DMD: variants seen among roughly 807,000 people sequenced by gnomAD.
DMD encodes the protein dystrophin.
A neutral mutation model predicts 330.1 loss-of-function variants in DMD; 63 were observed. The observed-to-expected ratio is 0.19, with a 90% CI of 0.16 to 0.24. The LOEUF is 0.24. DMD is among the 10% of genes least tolerant of loss of function. DMD has a pLI of 1.00. For synonymous variants in DMD, 1,223 were observed against 959.8 expected, an observed-to-expected ratio of 1.27 and a Z score of -5.07; for missense variants, 3,344 against 2,684.1, an observed-to-expected ratio of 1.25 and a Z score of -5.43.
intron 55 of DMD, among the ~76,000 whole-genome samples, chrX:31,619,582 GAAT>G (rs2078412026): frequency 9.0e-6 from 1 of 111,491 alleles, no homozygotes; most frequent in Non-Finnish European, 1.9e-5. Context: ...GCTCTGCGAG[GAAT>G]AAAACACAAT....
At chrX:32,782,824 A>G (rs1884273) in intron 7 of DMD, among the ~76,000 whole-genome samples, 10,957 of 108,307 alleles carry the variant, frequency 0.1, 1,428 homozygotes, top group African/African-American at 0.35. Flanking sequence ...TGCTTATTCC[A>G]TATTGTATGC....
chrX:33,092,706 G>A (rs2095101816), intron 1 of DMD, among the ~76,000 whole-genome samples: 1 of 110,738 alleles, frequency 9.0e-6, no homozygotes, highest in Non-Finnish European at 1.9e-5. Flanking sequence ...CTATTTGACA[G>A]ATGAATGTGA....
At chrX:33,060,650 T>A (rs1015326079) in intron 1 of DMD, among the ~76,000 whole-genome samples, 2 of 109,858 alleles carry the variant, frequency 1.8e-5, no homozygotes, top group African/African-American at 6.6e-5. Context: ...CTGACCAACA[T>A]AGTGAAACCC....
intron 61 of DMD, 38 bp downstream of exon 61, chrX:31,348,518 G>A (rs72466561): frequency 8.3e-6 from 9 of 1,087,604 alleles, no homozygotes; most frequent in Non-Finnish European, 7.6e-6. Flanking sequence ...TAATCAAGAT[G>A]CAATAAAGTT....
intron 2 of DMD, among the ~76,000 whole-genome samples, chrX:32,929,129 G>A (rs763599196): frequency 1.8e-5 from 2 of 111,270 alleles, no homozygotes; most frequent in Non-Finnish European, 3.8e-5. Flanking sequence ...TGAAGAGCTG[G>A]TTTATGTGGG....
chrX:31,630,859 T>C (rs2079098657), intron 54 of DMD, among the ~76,000 whole-genome samples: 1 of 112,086 alleles, frequency 8.9e-6, no homozygotes. Context: ...GAATCTACTG[T>C]ATTGGTTAAG....
intron 2 of DMD, among the ~76,000 whole-genome samples, chrX:32,928,256 A>T (rs1374634203): frequency 1.8e-5 from 2 of 110,214 alleles, no homozygotes; most frequent in Non-Finnish European, 3.8e-5. Flanking sequence ...TGTCATCTAG[A>T]AGCTTTTTTC....
chrX:31,420,254 C>T (rs952883005), intron 60 of DMD, among the ~76,000 whole-genome samples: 5 of 112,463 alleles, frequency 4.4e-5, no homozygotes, highest in Admixed American at 9.4e-5. Context: ...CCTTGACTAA[C>T]TACTGAGGGA....
chrX:32,321,002 T>A (rs1249101570), intron 41 of DMD, among the ~76,000 whole-genome samples: 3 of 111,980 alleles, frequency 2.7e-5, no homozygotes, highest in African/African-American at 9.7e-5. Context: ...TATTTTGTTT[T>A]CAGGTAGACA....
chrX:32,896,620 T>G (rs1025587471), intron 2 of DMD, among the ~76,000 whole-genome samples: 3 of 111,861 alleles, frequency 2.7e-5, no homozygotes, highest in Non-Finnish European at 3.8e-5. Context: ...CTCCAGTAAC[T>G]AAGATAATTC....
chrX:31,312,085 C>G (rs1027905358), intron 62 of DMD, among the ~76,000 whole-genome samples: 2 of 112,131 alleles, frequency 1.8e-5, no homozygotes, highest in Non-Finnish European at 3.8e-5. Context: ...GCAACTGCAA[C>G]AAAAGACAAA....
intron 11 of DMD, among the ~76,000 whole-genome samples, chrX:32,619,237 T>C (rs1163501026): frequency 1.8e-5 from 2 of 111,663 alleles, no homozygotes; most frequent in Non-Finnish European, 3.8e-5. Flanking sequence ...CTAATTTCAC[T>C]TATATGTGGA....
intron 48 of DMD, among the ~76,000 whole-genome samples, chrX:31,862,882 A>G (rs1273002243): frequency 1.8e-5 from 2 of 112,703 alleles, no homozygotes; most frequent in African/African-American, 6.4e-5. Context: ...CGGCCAGAAG[A>G]CAAGTACCTC....
intron 18 of DMD, 141 bp downstream of exon 18, chrX:32,517,867 A>G: frequency 2.8e-6 from 2 of 710,854 alleles, no homozygotes; most frequent in Admixed American, 2.7e-5. Context: ...CTTGCTATCT[A>G]AAATATATTT....
rs753585077 is a variant in DMD at position 31,929,690 on chromosome X, G to A, written c.6818C>T (p.Thr2273Ile). Residue 2273 changes from threonine to isoleucine, a missense_variant, in exon 47 of 79, where the codon ACT (threonine) becomes ATT (isoleucine). Physicochemically the swap from Thr to Ile is moderately conservative, Grantham distance 89. Coordinates refer to ENST00000357033, the MANE Select transcript of DMD (RefSeq NM_004006.3). ...AGCACTTACAAGCACGGGTCCTCCA[G>A]TTTCATTTAATTGTTTGAGAATTCC... ...RQGILKQLNE[T>I]GGPVLVSAPI... 2 of 1,211,454 alleles carry A rather than the reference G, an allele frequency of 1.7e-6. No homozygotes were observed. Among genetic ancestry groups the A allele is most frequent in the South Asian group, 3.5e-5 (2 of 57,001 alleles).
chrX:31,623,121 A>G (rs1219968619), intron 55 of DMD, among the ~76,000 whole-genome samples: 2 of 110,340 alleles, frequency 1.8e-5, no homozygotes, highest in Admixed American at 9.7e-5. Context: ...TTGCCTCTGC[A>G]TTCTCAGATA....
At chrX:31,781,132 T>C (rs1057412141) in intron 50 of DMD, among the ~76,000 whole-genome samples, 2 of 112,211 alleles carry the variant, frequency 1.8e-5, no homozygotes, top group South Asian at 3.7e-4. Context: ...CAGTGATTCT[T>C]ATGTGCTAGG....
At chrX:31,320,184 A>G (rs2056315333) in intron 62 of DMD, among the ~76,000 whole-genome samples, 1 of 112,394 alleles carries the variant, frequency 8.9e-6, no homozygotes. Flanking sequence ...TGAAGTATCA[A>G]AATCAAGGTT....
At chrX:32,235,239 A>C (rs1265722321) in intron 43 of DMD, among the ~76,000 whole-genome samples, 1 of 111,357 alleles carries the variant, frequency 9.0e-6, no homozygotes, top group East Asian at 2.8e-4. Context: ...CAGATCATGC[A>C]GCATTAGATT....
Sources: allele counts gnomAD v4.1 joint callset (sites outside exome capture counted in the v4.1 genomes callset), GRCh38; gene constraint gnomAD v4.1.1; transcripts MANE v1.5; gene names NCBI Gene and HGNC (gene_info 2026-07-23, HGNC 2026-07-21).